JKAMP: variants seen among roughly 807,000 people sequenced by gnomAD.
JKAMP encodes the protein JNK1/MAPK8 associated membrane protein.
A neutral mutation model predicts 40.2 loss-of-function variants in JKAMP; 20 were observed. The ratio of observed to expected loss-of-function variants is 0.50; its 90% CI spans 0.35 to 0.72. JKAMP has a LOEUF of 0.72. Ranked by LOEUF, JKAMP falls within the 30% of genes least tolerant of loss-of-function variation. JKAMP has a pLI of 0.01. For synonymous variants in JKAMP, 138 were observed against 131.6 expected (o/e 1.05, Z -0.33); for missense variants, 276 against 373.0 (o/e 0.74, Z 2.14).
At chr14:59,484,771 C>A in intron 1 of JKAMP, 178 bp downstream of exon 1, 2 of 946,048 alleles carry the variant, frequency 2.1e-6, no homozygotes, top group Non-Finnish European at 3.1e-6. Context: ...GGTGGTCTGT[C>A]CGCAACGGGC....
intron 5 of JKAMP, among the ~76,000 whole-genome samples, chr14:59,499,428 A>G: frequency 6.6e-6 from 1 of 152,314 alleles, no homozygotes; most frequent in South Asian, 2.1e-4. Context: ...TAGGTTTCTA[A>G]GTGTATTTAT....
At chr14:59,497,469 T>C (rs1357041956) in intron 4 of JKAMP, among the ~76,000 whole-genome samples, 1 of 152,176 alleles carries the variant, frequency 6.6e-6, no homozygotes, top group Non-Finnish European at 1.5e-5. Flanking sequence ...CACAGGATGG[T>C]TTCCTCCTGA....
At chr14:59,492,956 C>T (rs1891138309) in intron 3 of JKAMP, among the ~76,000 whole-genome samples, 1 of 152,032 alleles carries the variant, frequency 6.6e-6, no homozygotes, top group South Asian at 2.1e-4. Context: ...TGCCACCACG[C>T]CCGGCCAATT....
intron 2 of JKAMP, chr14:59,487,444 A>G: frequency 2.7e-6 from 1 of 368,944 alleles, no homozygotes; most frequent in Non-Finnish European, 4.8e-6. Flanking sequence ...ATGTTAGTCA[A>G]CTATTTTAGT....
chr14:59,495,240 G>T lies in JKAMP; in HGVS notation c.458+16G>T, dbSNP rs776995090. ...TCTACCCACTGTAAGTGTTTATTTC[G>T]ACTTAAGATCATTGTTTTTTTTTAA... On this transcript the variant is annotated intron_variant, in intron 4 of 6. Transcript: ENST00000616435. The T allele has an allele frequency of 1.3e-6, 2 of 1,528,826 alleles. No individual in the cohort carries two copies. The highest frequency in any genetic ancestry group is 2.3e-5 in the South Asian group (2 of 88,298). 94.7% of individuals were successfully genotyped at this position (1,528,826 alleles called of 1,614,324 possible). A position where few individuals can be genotyped will look rare whatever the true frequency, so the allele number is the denominator to read the frequency against.
chr14:59,485,374 G>C, intron 1 of JKAMP: 1 of 367,588 alleles, frequency 2.7e-6, no homozygotes, highest in Non-Finnish European at 4.8e-6. Flanking sequence ...AGGCCAGTGG[G>C]TTTAAAAAGC....
rs796697193 is a variant in JKAMP at position 59,502,773 on chromosome 14, T to TTTTTTTTTTTTTTTTTTTTTTTTTG, written c.718-1081_718-1080insTTTTTTTTTTTTTTTTTTTTTTTTG. ...AGATTTTTTTTTTTTTTTTTTTTTT[T>TTTTTTTTTTTTTTTTTTTTTTTTTG]CGGAGTCTCACTCTGTCGCTTAGGC... On this transcript the variant is annotated intron_variant, in intron 6 of 6. Coordinates refer to ENST00000616435, the MANE Select transcript of JKAMP (RefSeq NM_016475.5). Among the ~76,000 whole-genome samples the TTTTTTTTTTTTTTTTTTTTTTTTTG allele has an allele frequency of 1.7e-4, 17 of 102,844 alleles. 3 individuals are homozygous for TTTTTTTTTTTTTTTTTTTTTTTTTG. The highest frequency in any genetic ancestry group is 3.9e-4 in the African/African-American group (10 of 25,794). 67.5% of individuals were successfully genotyped at this position (102,844 alleles called of 152,430 possible).
intron 1 of JKAMP, 46 bp downstream of exon 1, chr14:59,484,639 C>T: frequency 1.9e-6 from 3 of 1,567,566 alleles, no homozygotes; most frequent in South Asian, 2.4e-5. Flanking sequence ...GTAGTCCCGA[C>T]TACTTTCCTA....
At chr14:59,501,818 G>A (rs1891904766) in intron 6 of JKAMP, among the ~76,000 whole-genome samples, 1 of 151,920 alleles carries the variant, frequency 6.6e-6, no homozygotes, top group South Asian at 2.1e-4. Context: ...TATTCATTTT[G>A]TACCTCTAAT....
chr14:59,484,800 G>T (rs1890397637), intron 1 of JKAMP: 1 of 912,206 alleles, frequency 1.1e-6, no homozygotes, highest in East Asian at 2.6e-5. Context: ...GAGGCGCGCT[G>T]TCTGCGGCGA....
At chr14:59,498,652 C>A in intron 4 of JKAMP, 75 bp from the exon 5 acceptor site, 2 of 830,850 alleles carry the variant, frequency 2.4e-6, no homozygotes, top group Non-Finnish European at 3.7e-6. Context: ...TAGGCTCTTT[C>A]ATTTAAAAAT....
rs113913027 is a variant in JKAMP, at chr14:59,491,507, A to G, written c.252-3511A>G. Among the ~76,000 whole-genome samples, 322 of 152,334 alleles carry G rather than the reference A, an allele frequency of 2.1e-3. 1 individual carries two copies. The highest frequency in any genetic ancestry group is 6.9e-3 in the African/African-American group (288 of 41,592). On this transcript the variant is annotated intron_variant, in intron 3 of 6. Transcript: ENST00000616435. ...TTTTGCCTCTGAAAATATTAATTCTATAAGGAAGCAAAATGTCAAATTATG... is the reference window on the plus strand; with the variant it reads ...TTTTGCCTCTGAAAATATTAATTCTGTAAGGAAGCAAAATGTCAAATTATG...
chr14:59,495,177 A>G lies in JKAMP; in HGVS notation c.411A>G (p.Pro137=). ...DWYTMLYNPS[P]DYVTTVHCTH... ...ACACGATGCTTTACAACCCAAGTCC[A>G]GATTACGTTACCACAGTACACTGTA... is the stretch of plus-strand genomic sequence containing the variant. Residue 137 remains proline (P), a synonymous_variant, in exon 4 of 7, where the codon CCA becomes CCG. Transcript: ENST00000616435. 1 of 1,613,794 alleles carries G rather than the reference A, an allele frequency of 6.2e-7. No homozygotes were observed. The highest frequency in any genetic ancestry group is 8.5e-7 in the Non-Finnish European group (1 of 1,179,708).
intron 5 of JKAMP, among the ~76,000 whole-genome samples, chr14:59,499,683 G>T (rs1302236504): frequency 6.6e-6 from 1 of 152,176 alleles, no homozygotes; most frequent in African/African-American, 2.4e-5. Context: ...CCTTTATATG[G>T]AGCTTGGTAA....
At chr14:59,496,818 C>G (rs1221618072) in intron 4 of JKAMP, among the ~76,000 whole-genome samples, 3 of 152,112 alleles carry the variant, frequency 2.0e-5, no homozygotes, top group Non-Finnish European at 2.9e-5. Context: ...AACAGCTTGC[C>G]TGCCTTGTTT....
intron 1 of JKAMP, among the ~76,000 whole-genome samples, chr14:59,486,313 G>A (rs1278841944): frequency 6.6e-6 from 1 of 152,176 alleles, no homozygotes; most frequent in Non-Finnish European, 1.5e-5. Flanking sequence ...TCTACATGTG[G>A]GTGCTTAATG....
intron 1 of JKAMP, 172 bp from the exon 2 acceptor site, chr14:59,486,541 T>C: frequency 1.7e-6 from 1 of 600,674 alleles, no homozygotes; most frequent in Non-Finnish European, 2.9e-6. Flanking sequence ...CTGTCTGCAG[T>C]GTCACAGTGT....
At chr14:59,495,286 A>G (rs1448066353) in intron 4 of JKAMP, 62 bp downstream of exon 4, 1 of 1,316,466 alleles carries the variant, frequency 7.6e-7, no homozygotes, top group Non-Finnish European at 1.1e-6. Context: ...ATTATTATAG[A>G]TTTTATGGCG....
intron 1 of JKAMP, chr14:59,485,142 T>G (rs920148039): frequency 6.3e-7 from 1 of 1,597,034 alleles, no homozygotes; most frequent in African/African-American, 1.3e-5. Context: ...TTTATTTCAG[T>G]TCAGTTTATC....
Sources: allele counts gnomAD v4.1 joint callset (sites outside exome capture counted in the v4.1 genomes callset), GRCh38; gene constraint gnomAD v4.1.1; transcripts MANE v1.5; gene names NCBI Gene and HGNC (gene_info 2026-07-23, HGNC 2026-07-21).